The following JAK1 variants were observed in gnomAD, a reference collection of about 807,000 sequenced individuals.
The protein encoded by JAK1 is tyrosine-protein kinase JAK1.
A neutral mutation model predicts 136.6 loss-of-function variants in JAK1; 16 were observed. That is an observed-to-expected ratio of 0.12 (90% CI 0.08 to 0.18). JAK1 has a LOEUF of 0.18. Ranked by LOEUF, JAK1 falls within the 10% of genes least tolerant of loss-of-function variation. The pLI is 1.00. For missense variants in JAK1, 859 were observed against 1,450.1 expected, an observed-to-expected ratio of 0.59 and a Z score of 6.62; for synonymous variants, 492 against 519.5, an observed-to-expected ratio of 0.95 and a Z score of 0.72.
intron 2 of JAK1, chr1:64,985,622 G>C (rs1557743505): frequency 1.2e-6 from 1 of 832,582 alleles, no homozygotes; most frequent in East Asian, 2.5e-5. Flanking sequence ...TGCCCAGCTG[G>C]TTGAGAGTGC....
chr1:65,025,821 G>T (rs747192847), intron 2 of JAK1, among the ~76,000 whole-genome samples: 15 of 152,064 alleles, frequency 9.9e-5, no homozygotes, highest in Non-Finnish European at 1.9e-4. Flanking sequence ...GTGACTATAG[G>T]TGCATACCAC....
chr1:65,050,379 G>A (rs1170470101), intron 1 of JAK1, among the ~76,000 whole-genome samples: 1 of 152,222 alleles, frequency 6.6e-6, no homozygotes, highest in Non-Finnish European at 1.5e-5. Context: ...AAAGGTCTCT[G>A]AGGAATCAGT....
chr1:64,843,553 G>A (rs1655041561), intron 17 of JAK1, among the ~76,000 whole-genome samples: 1 of 152,146 alleles, frequency 6.6e-6, no homozygotes, highest in African/African-American at 2.4e-5. Flanking sequence ...CTCTTAGGGT[G>A]ACACTTTCAG....
intron 2 of JAK1, among the ~76,000 whole-genome samples, chr1:64,997,704 G>A (rs557932685): frequency 6.6e-6 from 1 of 152,186 alleles, no homozygotes; most frequent in African/African-American, 2.4e-5. Context: ...TGGTATGAGT[G>A]TGGGAGTGTG....
chr1:65,033,046 C>T (rs1368391517), intron 2 of JAK1, among the ~76,000 whole-genome samples: 1 of 152,212 alleles, frequency 6.6e-6, no homozygotes, highest in Non-Finnish European at 1.5e-5. Flanking sequence ...ACCCTTTACC[C>T]TTAATCCTTT....
At chr1:64,854,873 C>T (rs1467529682) in intron 11 of JAK1, among the ~76,000 whole-genome samples, 1 of 152,094 alleles carries the variant, frequency 6.6e-6, no homozygotes, top group African/African-American at 2.4e-5. Context: ...TTGCACGTGC[C>T]GAGATGCCCT....
rs1469965897 is a variant in JAK1 at position 64,982,116 on chromosome 1, ACACACAC to A, written c.-78+62357_-78+62363del. On this transcript the variant is annotated intron_variant, in intron 2 of 25. Coordinates refer to the JAK1 transcript ENST00000671954. The stretch of plus-strand genomic sequence containing the variant: ...CACACACACACGCACACACACACGC[ACACACAC>A]GCACACACACACACATACAACCAGG... Among the ~76,000 whole-genome samples, 12 of 109,824 alleles carry A rather than the reference ACACACAC, an allele frequency of 1.1e-4. No individual in the cohort carries two copies. In the Admixed American group the frequency reaches 1.1e-3, roughly 10 times the overall value. The allele number at this position is 109,824 out of a possible 152,430, so 72.0% of individuals were successfully genotyped here.
intron 12 of JAK1, 93 bp downstream of exon 12, chr1:64,850,711 C>T: frequency 1.2e-6 from 1 of 828,772 alleles, no homozygotes; most frequent in South Asian, 1.4e-5. Flanking sequence ...TAAGATTTCC[C>T]CAAACACAGC....
At chr1:64,917,929 T>C (rs1645427513) in intron 1 of JAK1, among the ~76,000 whole-genome samples, 1 of 152,208 alleles carries the variant, frequency 6.6e-6, no homozygotes, top group Non-Finnish European at 1.5e-5. Flanking sequence ...CTCTCAACTC[T>C]GGATCCAGAC....
chr1:64,950,059 C>T (rs1646054702), intron 1 of JAK1, among the ~76,000 whole-genome samples: 1 of 152,038 alleles, frequency 6.6e-6, no homozygotes, highest in Admixed American at 6.6e-5. Flanking sequence ...TATACATTAT[C>T]GATAAAGACT....
chr1:64,946,577 G>A (rs17127171), intron 1 of JAK1, among the ~76,000 whole-genome samples: 7,521 of 152,218 alleles, frequency 0.049, 405 homozygotes, highest in East Asian at 0.27. Flanking sequence ...ATTTTGAGAA[G>A]GTGTTTGTTG....
At chr1:64,967,971 AT>A (rs1324181469), upstream of JAK1, among the ~76,000 whole-genome samples, 2 of 152,174 alleles carry the variant, frequency 1.3e-5, no homozygotes, top group African/African-American at 4.8e-5. Context: ...AATAGGGATA[AT>A]GCCTTCCTTA....
upstream of JAK1, among the ~76,000 whole-genome samples, chr1:64,970,034 T>C (rs568418898): frequency 6.9e-6 from 1 of 144,494 alleles, no homozygotes; most frequent in African/African-American, 2.6e-5. Flanking sequence ...TACTCAGGAG[T>C]CGAGGTGGAA....
intron 2 of JAK1, among the ~76,000 whole-genome samples, chr1:65,043,003 G>A (rs1647149208): frequency 6.6e-6 from 1 of 152,166 alleles, no homozygotes; most frequent in Admixed American, 6.5e-5. Flanking sequence ...GGTTCTCTAT[G>A]TTGGAAATGA....
intron 5 of JAK1, among the ~76,000 whole-genome samples, chr1:64,872,772 AAGC>A (rs1411198897): frequency 2.6e-5 from 4 of 152,250 alleles, no homozygotes; most frequent in South Asian, 2.1e-4. Context: ...ATGAATAAAA[AAGC>A]AGTTTACAAA....
upstream of JAK1, among the ~76,000 whole-genome samples, chr1:64,967,114 T>G (rs1176257687): frequency 6.6e-6 from 1 of 151,962 alleles, no homozygotes; most frequent in Non-Finnish European, 1.5e-5. Flanking sequence ...CACTGATACC[T>G]AATGCATGTA....
intron 1 of JAK1, among the ~76,000 whole-genome samples, chr1:64,913,268 T>C (rs999339700): frequency 1.3e-5 from 2 of 152,042 alleles, no homozygotes; most frequent in African/African-American, 2.4e-5. Context: ...CTGTACCAAC[T>C]AGGAGATATT....
At chr1:64,890,376 A>C (rs192997220) in intron 1 of JAK1, among the ~76,000 whole-genome samples, 35 of 152,340 alleles carry the variant, frequency 2.3e-4, no homozygotes, top group Admixed American at 1.8e-3. Context: ...CAATGAAAAA[A>C]AGCACAGTAA....
intron 1 of JAK1, among the ~76,000 whole-genome samples, chr1:64,918,035 C>G (rs548391295): frequency 7.9e-5 from 12 of 152,324 alleles, no homozygotes; most frequent in Non-Finnish European, 1.3e-4. Flanking sequence ...GATGGCATCA[C>G]TGCCCTTTCC....
Sources: gnomAD v4.1 joint callset for allele counts (sites outside exome capture counted in the v4.1 genomes callset) on GRCh38, gnomAD v4.1.1 for gene constraint, MANE v1.5 for transcripts, NCBI Gene and HGNC (gene_info 2026-07-23, HGNC 2026-07-21) for gene names.